Variants in DOCK9 observed in about 807,000 individuals in gnomAD.
DOCK9 encodes dedicator of cytokinesis 9.
In DOCK9, 89 loss-of-function variants were observed where a neutral mutation model predicts 263.3. The observed-to-expected ratio is 0.34, with a 90% CI of 0.28 to 0.40. DOCK9 has a LOEUF of 0.40. Among genes scored for constraint, DOCK9 ranks in the 10% least tolerant of loss-of-function variants. The pLI, the probability that DOCK9 is intolerant of heterozygous loss-of-function variation, is 1.00. For missense variants in DOCK9, 2,140 were observed against 2,603.4 expected (o/e 0.82, Z 3.87); for synonymous variants, 976 against 973.1 (o/e 1.00, Z -0.06).
chr13:98,828,179 G>A (rs762981094), intron 43 of DOCK9, among the ~76,000 whole-genome samples: 4 of 152,238 alleles, frequency 2.6e-5, no homozygotes, highest in African/African-American at 7.2e-5. Context: ...GACATTCGGA[G>A]ATGTGGCCCT....
intron 36 of DOCK9, 40 bp from the exon 37 acceptor site, chr13:98,848,679 T>C (rs1313299686): frequency 1.9e-6 from 3 of 1,584,794 alleles, no homozygotes; most frequent in East Asian, 2.3e-5. Flanking sequence ...AATGCAAAGA[T>C]AAAATTATTT....
intron 7 of DOCK9, among the ~76,000 whole-genome samples, chr13:98,918,231 A>G (rs2051229057): frequency 6.6e-6 from 1 of 152,212 alleles, no homozygotes; most frequent in African/African-American, 2.4e-5. Flanking sequence ...ATTGCAGCAC[A>G]GGAAGGGGAA....
intron 1 of DOCK9, among the ~76,000 whole-genome samples, chr13:99,008,470 G>A (rs1883886791): frequency 1.3e-5 from 2 of 152,074 alleles, no homozygotes; most frequent in Admixed American, 6.6e-5. Context: ...CTGACCTCAG[G>A]TGATCTGCTT....
intron 34 of DOCK9, 130 bp from the exon 35 acceptor site, chr13:98,853,652 G>T: frequency 1.4e-6 from 1 of 700,032 alleles, no homozygotes; most frequent in Non-Finnish European, 2.5e-6. Flanking sequence ...CAAGTAACTT[G>T]CTGACAATTA....
rs768476143 is a variant in DOCK9 at position 98,881,908 on chromosome 13, C to T, written c.2659G>A (p.Ala887Thr). ...CTCCCTTACCGAGTCACGTTAACCG[C>T]GACTTCTTCCTGTGTGGCTCTGGTG... ...VLTRATQEEV[A>T]VNVTRVIIHV... The change falls in exon 24 of 53, where the codon GCG becomes ACG. Residue 887 changes from alanine (A) to threonine (T), a missense_variant. Around this residue, in one of 2 missense-constraint regions of DOCK9, gnomAD observed 1,521 missense variants for 1,741.7 expected, o/e 0.87. Coordinates refer to ENST00000682017, the MANE Select transcript of DOCK9 (RefSeq NM_001366683.2). The T allele has an allele frequency of 4.4e-6, 7 of 1,583,036 alleles. No homozygotes were observed. Among genetic ancestry groups the T allele is most frequent in the South Asian group, 2.3e-5 (2 of 85,894 alleles).
chr13:98,942,344 T>G (rs2056073242), intron 2 of DOCK9, among the ~76,000 whole-genome samples: 1 of 151,324 alleles, frequency 6.6e-6, no homozygotes, highest in Non-Finnish European at 1.5e-5. Context: ...GTTCACGCCA[T>G]TCTCCTGCCT....
intron 1 of DOCK9, among the ~76,000 whole-genome samples, chr13:99,057,779 A>T (rs1293170043): frequency 6.6e-6 from 1 of 152,356 alleles, no homozygotes. Flanking sequence ...ACCAGCTTAC[A>T]ACACAGAGAT....
chr13:98,863,322 A>G, intron 31 of DOCK9, 48 bp downstream of exon 31: 4 of 1,588,954 alleles, frequency 2.5e-6, no homozygotes, highest in Non-Finnish European at 3.4e-6. Flanking sequence ...CACCACTTAA[A>G]ATAAAGGACA....
chr13:98,802,828 G>A (rs1465013245), intron 49 of DOCK9, among the ~76,000 whole-genome samples: 1 of 152,174 alleles, frequency 6.6e-6, no homozygotes, highest in Non-Finnish European at 1.5e-5. Context: ...AGAACCTGAG[G>A]GGTTGATAAC....
rs1275923763 is a variant in DOCK9 at position 98,845,415 on chromosome 13, C to T, written c.4198+509G>A. 3.1e-6 allele frequency: 4 copies of T among 1,284,858 alleles called. No individual in the cohort carries two copies. The Admixed American group carries it at 6.9e-5, about 22-fold the overall frequency. The allele number at this position is 1,284,858 out of a possible 1,614,324, so 79.6% of individuals were successfully genotyped here. A position where few individuals can be genotyped will look rare whatever the true frequency, so the allele number is the denominator to read the frequency against. ...GTCACTTTGTTATTGGATGCTTTTC[C>T]ACACCCTCACAAATTGATTCATGGG... On this transcript the variant is annotated intron_variant, in intron 38 of 52. Transcript: ENST00000682017.
In DOCK9 at chr13:98,810,190, A is replaced by G; in HGVS notation, c.5232T>C (p.Tyr1744=). The change falls in exon 46 of 53, where the codon TAT becomes TAC. Residue 1744 remains tyrosine (Y), a synonymous_variant. Coordinates refer to ENST00000682017, the MANE Select transcript of DOCK9 (RefSeq NM_001366683.2). ...ADIYKLIIPI[Y]EKRRDFERLA... is the part of the protein sequence containing the mutation. ...ATACCTCAAAATCCCTCCGCTTCTC[A>G]TAAATGGGGATGATAAGTTTGTAGA... is the stretch of plus-strand genomic sequence containing the variant. 6.2e-7 allele frequency: 1 copy of G among 1,613,946 alleles called. No individual in the cohort carries two copies. The highest frequency in any genetic ancestry group is 2.2e-5 in the East Asian group (1 of 44,866).
intron 1 of DOCK9, among the ~76,000 whole-genome samples, chr13:99,062,815 T>G (rs1176711317): frequency 6.6e-6 from 1 of 152,194 alleles, no homozygotes; most frequent in East Asian, 1.9e-4. Flanking sequence ...TCCCCAAATA[T>G]TCCATTGGCA....
At chr13:99,036,497 G>C (rs141594366) in intron 1 of DOCK9, among the ~76,000 whole-genome samples, 74 of 152,252 alleles carry the variant, frequency 4.9e-4, no homozygotes, top group African/African-American at 1.7e-3. Flanking sequence ...CCAGAACTGT[G>C]AGAAACAAAT....
chr13:98,966,030 T>C (rs2059155374), intron 1 of DOCK9, among the ~76,000 whole-genome samples: 1 of 152,090 alleles, frequency 6.6e-6, no homozygotes, highest in Non-Finnish European at 1.5e-5. Flanking sequence ...GAAATGGAAA[T>C]AATAATAAAG....
chr13:98,840,694 G>T (rs920076735), intron 38 of DOCK9, among the ~76,000 whole-genome samples: 5 of 152,172 alleles, frequency 3.3e-5, no homozygotes, highest in African/African-American at 1.2e-4. Flanking sequence ...GAGGCCACAT[G>T]CCTTTTCTGA....
chr13:98,999,288 GCGCACACA>G (rs148721799), intron 1 of DOCK9, among the ~76,000 whole-genome samples: 15 of 137,590 alleles, frequency 1.1e-4, no homozygotes, highest in East Asian at 6.1e-4. Context: ...ACGCATGCAC[GCGCACACA>G]CACACACACA....
At position 98,963,500 on chromosome 13, in the gene DOCK9, G is replaced by T. The variant is rs1264862791; in HGVS notation, c.127-7949C>A. ...CAGTAATTTCACTGCTCTTGCCTCG[G>T]ATGTGATAGCTTCAAATGAACTTTC... On this transcript the variant is annotated intron_variant, in intron 1 of 52. Transcript: ENST00000682017. Among the ~76,000 whole-genome samples, 3 of 152,190 alleles carry T rather than the reference G, an allele frequency of 2.0e-5. No individual in the cohort carries two copies. In the South Asian group the frequency reaches 6.2e-4, roughly 32 times the overall value.
At chr13:98,964,079 A>G (rs1317409860) in intron 1 of DOCK9, among the ~76,000 whole-genome samples, 1 of 152,208 alleles carries the variant, frequency 6.6e-6, no homozygotes, top group Non-Finnish European at 1.5e-5. Flanking sequence ...GCTGGTTCAC[A>G]TGCACTGTGC....
At chr13:99,023,969 G>A (rs140434433) in intron 1 of DOCK9, among the ~76,000 whole-genome samples, 5 of 152,158 alleles carry the variant, frequency 3.3e-5, no homozygotes, top group Non-Finnish European at 7.4e-5. Flanking sequence ...TGAAACGAAT[G>A]AACAAATACA....
Sources: gnomAD v4.1 joint callset for allele counts (sites outside exome capture counted in the v4.1 genomes callset) on GRCh38, gnomAD v4.1.1 for gene constraint, gnomAD v4.1.1 regional missense constraint, MANE v1.5 for transcripts, NCBI Gene and HGNC (gene_info 2026-07-23, HGNC 2026-07-21) for gene names.